Variants in CHN1 observed in about 807,000 individuals in gnomAD.
CHN1 encodes chimerin 1.
In CHN1, 37 loss-of-function variants were observed where a neutral mutation model predicts 59.5. The ratio of observed to expected loss-of-function variants is 0.62; its 90% confidence interval spans 0.48 to 0.82. The LOEUF (loss-of-function observed/expected upper bound fraction) is 0.82. CHN1 is among the 40% of genes least tolerant of loss of function. CHN1 has a pLI of 0.00. For missense variants in CHN1, 469 were observed against 571.0 expected, an observed-to-expected ratio of 0.82 and a Z score of 1.82; for synonymous variants, 206 against 200.4, an observed-to-expected ratio of 1.03 and a Z score of -0.24.
chr2:174,922,007 T>C (rs1421885022), intron 3 of CHN1, among the ~76,000 whole-genome samples: 1 of 152,214 alleles, frequency 6.6e-6, no homozygotes, highest in Non-Finnish European at 1.5e-5. Context: ...TTATTTATTA[T>C]CTTCCCGAGG....
At chr2:174,963,452 G>C (rs1176601833) in intron 1 of CHN1, among the ~76,000 whole-genome samples, 2 of 152,130 alleles carry the variant, frequency 1.3e-5, no homozygotes, top group Non-Finnish European at 2.9e-5. Context: ...TAAAATAAAG[G>C]GGCTGCGAAT....
intron 5 of CHN1, among the ~76,000 whole-genome samples, chr2:174,895,800 A>G (rs893557341): frequency 2.6e-5 from 4 of 152,194 alleles, no homozygotes; most frequent in Non-Finnish European, 5.9e-5. Flanking sequence ...AGTATTAATT[A>G]TACATGGAAA....
In CHN1 at chr2:174,846,336, A is replaced by G. The variant is rs912122881; in HGVS notation, c.627+544T>C. The G allele has an allele frequency of 1.9e-6, 3 of 1,549,450 alleles. No individual in the cohort carries two copies. The African/African-American group carries it at 4.1e-5, about 21-fold the overall frequency. Reference sequence around the variant, plus strand: ...ATACATGGTGAAAGCAAATACTCAAAAAGTGAGGAGAAGCTGCTAGTGTCA... The same window carrying G: ...ATACATGGTGAAAGCAAATACTCAAGAAGTGAGGAGAAGCTGCTAGTGTCA... On this transcript the variant is annotated intron_variant, in intron 7 of 12. Transcript: ENST00000409900.
At chr2:174,940,449 T>C (rs1689623677) in intron 3 of CHN1, among the ~76,000 whole-genome samples, 1 of 152,140 alleles carries the variant, frequency 6.6e-6, no homozygotes, top group South Asian at 2.1e-4. Flanking sequence ...ACAATATATA[T>C]ATAAGTTGAG....
At chr2:174,963,654 G>A (rs1017302092) in intron 1 of CHN1, among the ~76,000 whole-genome samples, 3 of 152,126 alleles carry the variant, frequency 2.0e-5, no homozygotes, top group South Asian at 2.1e-4. Context: ...CACAAATAAC[G>A]CACTATGAGT....
intron 6 of CHN1, among the ~76,000 whole-genome samples, chr2:174,853,474 G>C (rs1442118796): frequency 1.3e-5 from 2 of 152,138 alleles, no homozygotes; most frequent in African/African-American, 2.4e-5. Flanking sequence ...GTGGAGAAAA[G>C]AGAACACTTA....
intron 6 of CHN1, among the ~76,000 whole-genome samples, chr2:174,873,691 T>C (rs534872733): frequency 6.6e-6 from 1 of 152,186 alleles, no homozygotes; most frequent in African/African-American, 2.4e-5. Flanking sequence ...CCAATTACAT[T>C]TCAACTTAAA....
At chr2:174,927,946 G>C (rs938360430) in intron 3 of CHN1, among the ~76,000 whole-genome samples, 1 of 152,086 alleles carries the variant, frequency 6.6e-6, no homozygotes, top group African/African-American at 2.4e-5. Flanking sequence ...TAGAGAATAT[G>C]TATATAAAGA....
chr2:175,004,452 A>G (rs1313336013), intron 1 of CHN1, among the ~76,000 whole-genome samples: 3 of 152,210 alleles, frequency 2.0e-5, no homozygotes, highest in South Asian at 2.1e-4. Flanking sequence ...AAATTCCCCA[A>G]TAGTCCAACA....
chr2:174,811,678 GAAGA>G, intron 9 of CHN1, 90 bp from the exon 10 acceptor site: 3 of 715,530 alleles, frequency 4.2e-6, no homozygotes, highest in Non-Finnish European at 6.9e-6. Context: ...TAATGTGTCA[GAAGA>G]AATAAAATAT....
intron 7 of CHN1, among the ~76,000 whole-genome samples, chr2:174,845,072 C>T (rs1486548793): frequency 6.6e-6 from 1 of 152,062 alleles, no homozygotes; most frequent in Non-Finnish European, 1.5e-5. Context: ...TTCATTAAAG[C>T]CATGTGTTAA....
chr2:174,994,329 A>T (rs968017066), intron 1 of CHN1, among the ~76,000 whole-genome samples: 5 of 152,216 alleles, frequency 3.3e-5, no homozygotes, highest in Non-Finnish European at 5.9e-5. Flanking sequence ...CTAAATTTTT[A>T]AAAATGCACA....
chr2:174,810,361 T>C (rs1685031869), intron 10 of CHN1, among the ~76,000 whole-genome samples: 1 of 152,216 alleles, frequency 6.6e-6, no homozygotes, highest in African/African-American at 2.4e-5. Context: ...AGGTGAGCTC[T>C]TCATGAATTT....
chr2:174,976,781 T>A (rs891658043), intron 1 of CHN1, among the ~76,000 whole-genome samples: 1 of 152,218 alleles, frequency 6.6e-6, no homozygotes, highest in South Asian at 2.1e-4. Flanking sequence ...CCAATTAAAC[T>A]GATCAATCCA....
At chr2:174,820,276 G>C (rs1685439144) in intron 8 of CHN1, among the ~76,000 whole-genome samples, 1 of 152,136 alleles carries the variant, frequency 6.6e-6, no homozygotes, top group South Asian at 2.1e-4. Context: ...CTAGTTTACA[G>C]TCCCACCAAC....
Position 174,799,738 on chromosome 2 carries a change from C to A in CHN1, c.*378G>T. ...AAACCAATGACATAGACCCCAAAAGCAAAGTCACAACAGGCTTACTCTGTG... is the reference window on the plus strand; with the variant it reads ...AAACCAATGACATAGACCCCAAAAGAAAAGTCACAACAGGCTTACTCTGTG... On this transcript the variant is annotated 3_prime_UTR_variant, in exon 13 of 13. Transcript: ENST00000409900. 1 of 536,816 alleles carries A rather than the reference C, an allele frequency of 1.9e-6. No homozygotes were observed. The highest frequency in any genetic ancestry group is 3.6e-6 in the Non-Finnish European group (1 of 278,220). The allele number at this position is 536,816 out of a possible 1,614,324, so 33.3% of individuals were successfully genotyped here.
intron 1 of CHN1, among the ~76,000 whole-genome samples, chr2:174,952,896 T>C (rs1240730793): frequency 1.3e-5 from 2 of 152,036 alleles, no homozygotes; most frequent in African/African-American, 4.8e-5. Context: ...GAGATGGAAA[T>C]ACAAACACAT....
intron 3 of CHN1, among the ~76,000 whole-genome samples, chr2:174,927,915 C>CT (rs34710467): frequency 6.6e-6 from 1 of 151,884 alleles, no homozygotes; most frequent in South Asian, 2.1e-4. Context: ...CAAAATAGTA[C>CT]TTTTTTTTCA....
chr2:174,950,240 CCTATCTCT>C (rs1689978902), intron 2 of CHN1, among the ~76,000 whole-genome samples: 1 of 151,832 alleles, frequency 6.6e-6, no homozygotes, highest in South Asian at 2.1e-4. Flanking sequence ...AAAGCAATAG[CCTATCTCT>C]CTCTTTTTTT....
Sources: gnomAD v4.1 joint callset for allele counts (sites outside exome capture counted in the v4.1 genomes callset) on GRCh38, gnomAD v4.1.1 for gene constraint, MANE v1.5 for transcripts, NCBI Gene and HGNC (gene_info 2026-07-23, HGNC 2026-07-21) for gene names.